Variants in HDAC4 observed in about 807,000 individuals in gnomAD.
The protein encoded by HDAC4 is histone deacetylase A.
A neutral mutation model predicts 135.1 loss-of-function variants in HDAC4; 16 were observed. The observed-to-expected ratio is 0.12, with a 90% CI of 0.08 to 0.18. The LOEUF (loss-of-function observed/expected upper bound fraction) is 0.18, where lower values mean the gene tolerates loss of function less well. Among genes scored for constraint, HDAC4 ranks in the 10% least tolerant of loss-of-function variants. The pLI is 1.00. For missense variants in HDAC4, 1,143 were observed against 1,511.8 expected, an observed-to-expected ratio of 0.76 and a Z score of 4.05; for synonymous variants, 685 against 653.4, an observed-to-expected ratio of 1.05 and a Z score of -0.74.
chr2:239,366,113 C>T lies in HDAC4; in HGVS notation c.-219-13195G>A, dbSNP rs558815682. Among the ~76,000 whole-genome samples the T allele has an allele frequency of 8.4e-3, 1,153 of 136,960 alleles. 15 individuals are homozygous for T. The highest frequency in any genetic ancestry group is 0.029 in the African/African-American group (1,035 of 35,570). The allele number at this position is 136,960 out of a possible 152,430, so 89.9% of individuals were successfully genotyped here. A position where few individuals can be genotyped will look rare whatever the true frequency, so the allele number is the denominator to read the frequency against. On this transcript the variant is annotated intron_variant, in intron 1 of 26. Coordinates refer to ENST00000543185, the MANE Select transcript of HDAC4 (RefSeq NM_001378414.1). ...ACAGAGCAGGGTCGTCAGGGTCACG[C>T]GTGTGGCACTGGCGGACACAAACAC... is the stretch of plus-strand genomic sequence containing the variant.
intron 3 of HDAC4, among the ~76,000 whole-genome samples, chr2:239,203,665 A>G (rs559390565): frequency 1.4e-4 from 21 of 152,302 alleles, no homozygotes; most frequent in African/African-American, 5.1e-4. Context: ...GCGACCACAG[A>G]CAGTTGCCCA....
chr2:239,254,836 C>T (rs1016756548), intron 2 of HDAC4, among the ~76,000 whole-genome samples: 3 of 152,180 alleles, frequency 2.0e-5, no homozygotes, highest in Non-Finnish European at 4.4e-5. Flanking sequence ...GACATCTAGA[C>T]ACAGTGCAAT....
chr2:239,184,157 G>A (rs2044338225), intron 4 of HDAC4, among the ~76,000 whole-genome samples: 2 of 151,272 alleles, frequency 1.3e-5, no homozygotes, highest in African/African-American at 4.9e-5. Flanking sequence ...ACTGGGAATA[G>A]GCTGAAGTTA....
chr2:239,297,026 G>GT (rs1445682638), intron 2 of HDAC4, among the ~76,000 whole-genome samples: 13 of 60,118 alleles, frequency 2.2e-4, no homozygotes, highest in Admixed American at 6.6e-4. Context: ...TTGTTTTCAT[G>GT]TAAAAAAAAA....
At position 239,358,340 on chromosome 2, in the gene HDAC4, G is replaced by A. The variant is rs1693646831; in HGVS notation, c.-219-5422C>T. On this transcript the variant is annotated intron_variant, in intron 1 of 26. Coordinates refer to ENST00000543185, the MANE Select transcript of HDAC4 (RefSeq NM_001378414.1). ...CCATTGGTGTTGGTGCTAAAGCGCC[G>A]GCCGTCGGGAGCTCCTGCAAACCAG... Among the ~76,000 whole-genome samples, 3 of 152,196 alleles carry A rather than the reference G, an allele frequency of 2.0e-5. No individual in the cohort carries two copies. The South Asian group carries it at 6.2e-4, about 32-fold the overall frequency.
intron 12 of HDAC4, among the ~76,000 whole-genome samples, chr2:239,120,358 C>T (rs1256701944): frequency 1.3e-5 from 2 of 150,698 alleles, no homozygotes; most frequent in African/African-American, 4.9e-5. Context: ...GATACATACA[C>T]ACACAGATAC....
intron 8 of HDAC4, chr2:239,140,863 C>G (rs901838760): frequency 9.3e-6 from 4 of 428,758 alleles, no homozygotes; most frequent in Non-Finnish European, 1.5e-5. Context: ...CAGGTGCCCA[C>G]TCATGCTGAC....
In HDAC4 at chr2:239,108,045, G is replaced by A. The variant is rs761959721; in HGVS notation, c.2112+5C>T. 19 of 1,610,750 alleles carry A rather than the reference G, an allele frequency of 1.2e-5. No homozygotes were observed. The highest frequency in any genetic ancestry group is 1.6e-5 in the Non-Finnish European group (19 of 1,179,802). ...CAGCTGCCCACCTGCCCCGGTCGGC[G>A]TTACCTCGCATTTGCCCCGGAGGCC... On this transcript the variant is annotated splice_donor_5th_base_variant and intron_variant, in intron 15 of 26. Coordinates refer to ENST00000543185, the MANE Select transcript of HDAC4 (RefSeq NM_001378414.1).
intron 22 of HDAC4, among the ~76,000 whole-genome samples, chr2:239,073,881 A>G (rs568702031): frequency 8.5e-5 from 13 of 152,320 alleles, no homozygotes; most frequent in Non-Finnish European, 1.8e-4. Flanking sequence ...TGGACACTGG[A>G]AGGCACTGGC....
intron 2 of HDAC4, among the ~76,000 whole-genome samples, chr2:239,265,475 A>G (rs2049663457): frequency 6.6e-6 from 1 of 152,230 alleles, no homozygotes; most frequent in African/African-American, 2.4e-5. Context: ...GTGGCCTCCC[A>G]GCACCACCCC....
intron 1 of HDAC4, among the ~76,000 whole-genome samples, chr2:239,361,486 T>C (rs1651583939): frequency 2.0e-5 from 3 of 152,236 alleles, no homozygotes; most frequent in Non-Finnish European, 4.4e-5. Context: ...AGGGAACTGC[T>C]GTTGGCCCTC....
intron 2 of HDAC4, among the ~76,000 whole-genome samples, chr2:239,248,898 T>A (rs1470220449): frequency 6.6e-6 from 1 of 152,238 alleles, no homozygotes; most frequent in Admixed American, 6.5e-5. Flanking sequence ...CAAGTTTTCC[T>A]GAACTAGCGA....
At chr2:239,198,750 G>C (rs148326199) in intron 3 of HDAC4, among the ~76,000 whole-genome samples, 7 of 152,218 alleles carry the variant, frequency 4.6e-5, no homozygotes, top group African/African-American at 1.7e-4. Context: ...CCATCTTTGT[G>C]AGCTTATGAC....
chr2:239,138,253 G>A (rs2041109391), intron 9 of HDAC4, among the ~76,000 whole-genome samples: 2 of 152,202 alleles, frequency 1.3e-5, no homozygotes, highest in South Asian at 4.1e-4. Flanking sequence ...GAAGTAGAAA[G>A]AGTAAGAGAA....
rs926707071 is a variant in HDAC4 at position 239,262,568 on chromosome 2, A to G, written c.23-25904T>C. On this transcript the variant is annotated intron_variant, in intron 2 of 26. Transcript: ENST00000543185. This position sits in a 1 kb window ranked among gnomAD's most constrained non-coding sequence, Gnocchi z 4.1. ...CTGATCTCTACTCTGAGGGGGCCAG[A>G]GCCTGGCTCTGACACTCTTGGCCAA... is the stretch of plus-strand genomic sequence containing the variant. 1.3e-5 allele frequency among the ~76,000 whole-genome samples: 2 copies of G among 152,194 alleles called. No homozygotes were observed. Among genetic ancestry groups the G allele is most frequent in the Non-Finnish European group, 2.9e-5 (2 of 68,040 alleles).
intron 2 of HDAC4, among the ~76,000 whole-genome samples, chr2:239,265,406 A>G: frequency 6.6e-6 from 1 of 152,252 alleles, no homozygotes; most frequent in Non-Finnish European, 1.5e-5. Context: ...CCTCCAGAGA[A>G]GCCAAGGCCT....
chr2:239,227,608 G>A (rs553178723), intron 3 of HDAC4, among the ~76,000 whole-genome samples: 21 of 152,336 alleles, frequency 1.4e-4, no homozygotes, highest in Admixed American at 9.8e-4. Flanking sequence ...AATGCAGACA[G>A]AGAGAAGGGA....
intron 1 of HDAC4, among the ~76,000 whole-genome samples, chr2:239,386,886 G>A (rs1159635119): frequency 6.6e-6 from 1 of 152,206 alleles, no homozygotes; most frequent in African/African-American, 2.4e-5. Context: ...ACCACCATCA[G>A]ATGTACCCAT....
At chr2:239,096,603 C>A (rs1313937491) in intron 16 of HDAC4, among the ~76,000 whole-genome samples, 3 of 69,164 alleles carry the variant, frequency 4.3e-5, no homozygotes, top group Non-Finnish European at 8.7e-5. Flanking sequence ...CCCACGAACA[C>A]CTGCACCCCC....
Sources: allele counts gnomAD v4.1 joint callset (sites outside exome capture counted in the v4.1 genomes callset), GRCh38; gene constraint gnomAD v4.1.1; non-coding constraint Gnocchi (gnomAD v3.1); transcripts MANE v1.5; gene names NCBI Gene and HGNC (gene_info 2026-07-23, HGNC 2026-07-21).